COL23A1: variants seen among roughly 807,000 people sequenced by gnomAD.
COL23A1 encodes collagen type XXIII alpha 1 chain.
Under a neutral mutation model 99.3 loss-of-function variants are expected in COL23A1, and 97 were observed. That is an observed-to-expected ratio of 0.98 (90% confidence interval 0.83 to 1.16). The LOEUF is 1.16. Ranked by LOEUF, COL23A1 falls within the 50% of genes most tolerant of loss-of-function variation. The pLI is 0.00. For missense variants in COL23A1, 762 were observed against 757.4 expected, an observed-to-expected ratio of 1.01 and a Z score of -0.07; for synonymous variants, 320 against 308.2, an observed-to-expected ratio of 1.04 and a Z score of -0.40.
intron 3 of COL23A1, among the ~76,000 whole-genome samples, chr5:178,291,121 G>A (rs1022853585): frequency 3.9e-5 from 6 of 152,218 alleles, no homozygotes; most frequent in Non-Finnish European, 7.3e-5. Context: ...GCGCATGCTG[G>A]ATGGAAGGAG....
intron 5 of COL23A1, among the ~76,000 whole-genome samples, chr5:178,283,082 C>T (rs899871780): frequency 7.2e-5 from 11 of 152,126 alleles, no homozygotes; most frequent in Non-Finnish European, 1.0e-4. Context: ...GACAGGGTTT[C>T]ACCGTATTGG....
chr5:178,280,733 G>A lies in COL23A1; in HGVS notation c.441+7591C>T, dbSNP rs191541313. Among the ~76,000 whole-genome samples, 12 of 152,262 alleles carry A rather than the reference G, an allele frequency of 7.9e-5. No individual in the cohort carries two copies. The East Asian group carries it at 1.9e-3, about 25-fold the overall frequency. ...AACATATCACAGGCAAAACAGCAAA[G>A]CGCAGGACCAACCCCCTCTGCTGGG... is the stretch of plus-strand genomic sequence containing the variant. On this transcript the variant is annotated intron_variant, in intron 5 of 28. Coordinates refer to ENST00000390654, the MANE Select transcript of COL23A1 (RefSeq NM_173465.4). This position sits in a 1 kb window ranked among gnomAD's most constrained non-coding sequence, Gnocchi z 4.9.
chr5:178,528,270 C>T (rs1760433198), intron 2 of COL23A1, among the ~76,000 whole-genome samples: 1 of 152,174 alleles, frequency 6.6e-6, no homozygotes, highest in South Asian at 2.1e-4. Flanking sequence ...ATCACTCATT[C>T]ACCCTTTCAC....
chr5:178,451,096 T>C (rs1767461846), intron 2 of COL23A1, among the ~76,000 whole-genome samples: 1 of 152,352 alleles, frequency 6.6e-6, no homozygotes, highest in Admixed American at 6.5e-5. Flanking sequence ...GACTTTGTTT[T>C]CAAAGCAAGC....
chr5:178,502,326 T>C (rs910736616), intron 2 of COL23A1, among the ~76,000 whole-genome samples: 8 of 152,056 alleles, frequency 5.3e-5, no homozygotes, highest in Admixed American at 2.6e-4. Flanking sequence ...AGAGACGGGG[T>C]TTCACCATGT....
chr5:178,567,663 G>T (rs545391512), intron 1 of COL23A1, among the ~76,000 whole-genome samples: 3 of 152,154 alleles, frequency 2.0e-5, no homozygotes, highest in African/African-American at 7.2e-5. Flanking sequence ...ACTGGGAGAC[G>T]GAGGTTGCAG....
intron 4 of COL23A1, 200 bp from the exon 5 acceptor site, chr5:178,288,550 G>A (rs1757282108): frequency 3.1e-6 from 2 of 637,916 alleles, no homozygotes; most frequent in Admixed American, 2.7e-5. Flanking sequence ...CAGGCTGGAG[G>A]GACCAAGAGC....
rs138557346 is a variant in COL23A1 at position 178,355,020 on chromosome 5, C to T, written c.362-48101G>A. ...TTGCAGTGAGTGGAGATCATAGCAC[C>T]GTACTCCAGCCTGGGAGACAGGTGA... On this transcript the variant is annotated intron_variant, in intron 2 of 28. Transcript: ENST00000390654. 1.9e-3 allele frequency among the ~76,000 whole-genome samples: 280 copies of T among 149,256 alleles called. 2 individuals are homozygous for T. Among genetic ancestry groups the T allele is most frequent in the African/African-American group, 6.2e-3 (248 of 40,210 alleles).
chr5:178,423,106 C>A (rs55858339), intron 2 of COL23A1, among the ~76,000 whole-genome samples: 5,709 of 152,070 alleles, frequency 0.038, 332 homozygotes, highest in African/African-American at 0.13. Flanking sequence ...AGCTGGGACC[C>A]CAGGCACACA....
intron 2 of COL23A1, among the ~76,000 whole-genome samples, chr5:178,417,542 A>T (rs1765378141): frequency 6.6e-6 from 1 of 151,874 alleles, no homozygotes; most frequent in African/African-American, 2.4e-5. Context: ...TCCCCATTCC[A>T]TCCCCCATTC....
intron 28 of COL23A1, 104 bp from the exon 29 acceptor site, chr5:178,238,804 TCTTC>T (rs1247840038): frequency 1.4e-6 from 2 of 1,467,194 alleles, no homozygotes; most frequent in East Asian, 4.5e-5. Flanking sequence ...TTTCCTCCTA[TCTTC>T]CCTCCCCCCA....
chr5:178,520,484 T>G (rs73342669), intron 2 of COL23A1, among the ~76,000 whole-genome samples: 2 of 152,196 alleles, frequency 1.3e-5, no homozygotes, highest in Non-Finnish European at 2.9e-5. Context: ...CTCAGGGCTC[T>G]GTCGATGTGT....
In COL23A1 at chr5:178,326,932, C is replaced by A. The variant is rs562941784; in HGVS notation, c.362-20013G>T. 4.5e-4 allele frequency among the ~76,000 whole-genome samples: 69 copies of A among 152,352 alleles called. 1 individual carries two copies. Among genetic ancestry groups the A allele is most frequent in the Middle Eastern group, 6.8e-3 (2 of 294 alleles). ...ACGGGGTTTCACCATGCTGGTCAGGCTGGTCTCGAACTCCTGACTTCGTGA... is the reference window on the plus strand; with the variant it reads ...ACGGGGTTTCACCATGCTGGTCAGGATGGTCTCGAACTCCTGACTTCGTGA... On this transcript the variant is annotated intron_variant, in intron 2 of 28. Transcript: ENST00000390654.
At chr5:178,336,688 T>A (rs981772633) in intron 2 of COL23A1, among the ~76,000 whole-genome samples, 2 of 152,230 alleles carry the variant, frequency 1.3e-5, no homozygotes, top group African/African-American at 4.8e-5. Flanking sequence ...TCAACCCCAC[T>A]GAAATGTTCC....
chr5:178,341,980 G>A (rs1019572172), intron 2 of COL23A1, among the ~76,000 whole-genome samples: 2 of 152,002 alleles, frequency 1.3e-5, no homozygotes, highest in African/African-American at 2.4e-5. Context: ...ACCATTTTTC[G>A]TAACACACCG....
intron 5 of COL23A1, among the ~76,000 whole-genome samples, chr5:178,278,806 CTGAG>C (rs1353127977): frequency 9.9e-5 from 15 of 152,208 alleles, no homozygotes; most frequent in Non-Finnish European, 2.1e-4. Context: ...CCTCTGCAAA[CTGAG>C]TGTGTTGCGG....
At chr5:178,380,415 G>GTC (rs1415748263) in intron 2 of COL23A1, among the ~76,000 whole-genome samples, 13 of 151,952 alleles carry the variant, frequency 8.6e-5, no homozygotes, top group Non-Finnish European at 1.6e-4. Flanking sequence ...GTGTGTGTGT[G>GTC]TGTGTGTGTA....
chr5:178,262,082 G>A (rs914456604), intron 10 of COL23A1, 135 bp downstream of exon 10: 20 of 975,628 alleles, frequency 2.0e-5, no homozygotes, highest in South Asian at 9.8e-5. Context: ...ATGCAGACAC[G>A]TACATGCAGA....
At chr5:178,250,021 C>T in intron 18 of COL23A1, 40 bp downstream of exon 18, 1 of 1,610,052 alleles carries the variant, frequency 6.2e-7, no homozygotes, top group South Asian at 1.1e-5. Context: ...AGCCCAATAC[C>T]AGGCACTGGC....
Sources: gnomAD v4.1 joint callset for allele counts (sites outside exome capture counted in the v4.1 genomes callset) on GRCh38, gnomAD v4.1.1 for gene constraint, Gnocchi (gnomAD v3.1) non-coding constraint, MANE v1.5 for transcripts, NCBI Gene and HGNC (gene_info 2026-07-23, HGNC 2026-07-21) for gene names.